Variants in CORO2B observed in about 807,000 individuals in gnomAD.
CORO2B encodes the protein coronin 2B, also known as coronin-2B.
CORO2B carries 26 observed loss-of-function variants against 58.8 expected under a neutral mutation model. That is an observed-to-expected ratio of 0.44 (90% confidence interval 0.32 to 0.61). The LOEUF (loss-of-function observed/expected upper bound fraction) is 0.61, where lower values mean the gene tolerates loss of function less well. Ranked by LOEUF, CORO2B falls within the 20% of genes least tolerant of loss-of-function variation. The pLI is 0.04. For synonymous variants in CORO2B, 242 were observed against 253.8 expected, an observed-to-expected ratio of 0.95 and a Z score of 0.44; for missense variants, 460 against 645.1, an observed-to-expected ratio of 0.71 and a Z score of 3.11.
intron 2 of CORO2B, among the ~76,000 whole-genome samples, chr15:68,676,942 T>G (rs983472527): frequency 2.0e-5 from 3 of 152,096 alleles, no homozygotes; most frequent in Non-Finnish European, 4.4e-5. Flanking sequence ...TGGCTAATTT[T>G]TTTTCTTTTT....
At chr15:68,605,718 T>G (rs1458227091) in intron 1 of CORO2B, among the ~76,000 whole-genome samples, 33 of 123,950 alleles carry the variant, frequency 2.7e-4, no homozygotes, top group African/African-American at 8.9e-4. Flanking sequence ...TGGGTTTTTT[T>G]TTTTTTTTTT....
chr15:68,565,696 C>T, the CORO2B span, among the ~76,000 whole-genome samples: 9 of 152,168 alleles, frequency 5.9e-5, no homozygotes, highest in Admixed American at 4.6e-4. Flanking sequence ...TCTAGGAGGG[C>T]CACTGGCTGG....
At chr15:68,641,507 G>T in intron 1 of CORO2B, 2 of 984,252 alleles carry the variant, frequency 2.0e-6, no homozygotes, top group Non-Finnish European at 2.4e-6. Flanking sequence ...AAGGGGGAGG[G>T]TGGACGAGGA....
chr15:68,681,225 AAT>A lies in CORO2B; in HGVS notation c.217-13914_217-13913del, dbSNP rs202244472. ...AAGATCTCCCTCCATCTCAAAAAAAAATTTTTTTTTGGAAAGAAAAGCTGAGG... is the reference window on the plus strand; with the variant it reads ...AAGATCTCCCTCCATCTCAAAAAAAATTTTTTTTGGAAAGAAAAGCTGAGG... On this transcript the variant is annotated intron_variant, in intron 2 of 11. Transcript: ENST00000261861. Among the ~76,000 whole-genome samples, 460 of 29,882 alleles carry A rather than the reference AAT, an allele frequency of 0.015. 12 individuals carry two copies. The East Asian group carries it at 0.43, about 28-fold the overall frequency. 19.6% of individuals were successfully genotyped at this position (29,882 alleles called of 152,430 possible).
chr15:68,665,545 ATAAAT>A (rs141195585), intron 2 of CORO2B, among the ~76,000 whole-genome samples: 6,490 of 151,122 alleles, frequency 0.043, 256 homozygotes, highest in African/African-American at 0.11. Flanking sequence ...TGTTAAATTG[ATAAAT>A]TAAAGAGAAT....
chr15:68,577,509 G>C (rs949230547), upstream of CORO2B, among the ~76,000 whole-genome samples: 2 of 152,056 alleles, frequency 1.3e-5, no homozygotes, highest in African/African-American at 2.4e-5. Flanking sequence ...GGATCACGAG[G>C]TCAGGAGTTC....
At chr15:68,589,515 A>G (rs571593173) in intron 1 of CORO2B, among the ~76,000 whole-genome samples, 1 of 152,384 alleles carries the variant, frequency 6.6e-6, no homozygotes, top group African/African-American at 2.4e-5. Flanking sequence ...AAAGATGTAC[A>G]GTAGAAACGC....
At chr15:68,596,462 T>C (rs1173119750) in intron 1 of CORO2B, among the ~76,000 whole-genome samples, 3 of 152,180 alleles carry the variant, frequency 2.0e-5, no homozygotes, top group East Asian at 3.9e-4. Context: ...AGAAGCAATT[T>C]TGAGGCTCCA....
the CORO2B span, among the ~76,000 whole-genome samples, chr15:68,551,970 CGG>C: frequency 7.0e-6 from 1 of 143,260 alleles, no homozygotes; most frequent in African/African-American, 2.5e-5. Flanking sequence ...GGGTGGGGGC[CGG>C]GGGAGACCTG....
chr15:68,696,438 A>G (rs1892512381), intron 3 of CORO2B, among the ~76,000 whole-genome samples: 1 of 151,460 alleles, frequency 6.6e-6, no homozygotes. Flanking sequence ...AATCCCAGCT[A>G]TTCGGAAGGC....
At chr15:68,624,311 T>C (rs1900615413) in intron 1 of CORO2B, among the ~76,000 whole-genome samples, 1 of 152,078 alleles carries the variant, frequency 6.6e-6, no homozygotes. Context: ...CCCAGGGAGT[T>C]TGAGGCTGCA....
At chr15:68,676,974 G>A (rs371924948) in intron 2 of CORO2B, among the ~76,000 whole-genome samples, 8 of 152,058 alleles carry the variant, frequency 5.3e-5, no homozygotes, top group African/African-American at 1.9e-4. Context: ...AGGTTTCACT[G>A]TGCTGCCCAG....
At chr15:68,559,500 C>T in the CORO2B span, 3 of 652,324 alleles carry the variant, frequency 4.6e-6, no homozygotes, top group Non-Finnish European at 5.7e-6. This position sits in a 1 kb window ranked among gnomAD's most constrained non-coding sequence, Gnocchi z 4.3. Flanking sequence ...GAGAAGGGAG[C>T]GTCAGCGGGG....
intron 2 of CORO2B, among the ~76,000 whole-genome samples, chr15:68,658,586 AG>A (rs1306720633): frequency 1.3e-5 from 2 of 152,226 alleles, no homozygotes; most frequent in Non-Finnish European, 2.9e-5. Context: ...CTGGAAAGGA[AG>A]TGATACACAG....
In CORO2B at chr15:68,725,951, C is replaced by G. The variant is rs546189688; in HGVS notation, c.1420C>G (p.Arg474Gly). 6.2e-7 allele frequency: 1 copy of G among 1,613,856 alleles called. No homozygotes were observed. Among genetic ancestry groups the G allele is most frequent in the South Asian group, 1.1e-5 (1 of 91,080 alleles). The change falls in exon 12 of 12, where the codon CGC becomes GGC. Residue 474 changes from arginine (R) to glycine (G), a missense_variant. Arg to Gly is a moderately radical substitution (Grantham distance 125). Coordinates refer to ENST00000261861, the MANE Select transcript of CORO2B (RefSeq NM_006091.5). ...RQLQLELKNL[R>G]NSPKNC ...GCTCCAGCTGGAACTGAAAAACTTG[C>G]GCAACAGCCCCAAGAACTGTTAGCT...
chr15:68,663,163 C>T (rs535186777), intron 2 of CORO2B, among the ~76,000 whole-genome samples: 2 of 152,312 alleles, frequency 1.3e-5, no homozygotes, highest in South Asian at 4.1e-4. Context: ...GTTCTCTCTA[C>T]ATCTTGCTTT....
intron 1 of CORO2B, among the ~76,000 whole-genome samples, chr15:68,595,064 G>A (rs1484135873): frequency 2.0e-5 from 3 of 152,226 alleles, no homozygotes; most frequent in African/African-American, 4.8e-5. Flanking sequence ...TTAAGAGTCA[G>A]TTGAGTTGTG....
intron 1 of CORO2B, among the ~76,000 whole-genome samples, chr15:68,618,933 G>A (rs1900441364): frequency 6.6e-6 from 1 of 152,194 alleles, no homozygotes; most frequent in African/African-American, 2.4e-5. Flanking sequence ...AGAAAGGGAA[G>A]TGACGTGATC....
intron 2 of CORO2B, among the ~76,000 whole-genome samples, chr15:68,653,315 G>A (rs1204737254): frequency 6.6e-6 from 1 of 152,192 alleles, no homozygotes. Flanking sequence ...ACCACCTAGA[G>A]TTTGTAGTCC....
Sources: gnomAD v4.1 joint callset for allele counts (sites outside exome capture counted in the v4.1 genomes callset) on GRCh38, gnomAD v4.1.1 for gene constraint, Gnocchi (gnomAD v3.1) non-coding constraint, MANE v1.5 for transcripts, NCBI Gene and HGNC (gene_info 2026-07-23, HGNC 2026-07-21) for gene names.